ADGRL3: variants seen among roughly 807,000 people sequenced by gnomAD.
ADGRL3 encodes adhesion G protein-coupled receptor L3.
Under a neutral mutation model 153.5 loss-of-function variants are expected in ADGRL3, and 62 were observed. The ratio of observed to expected loss-of-function variants is 0.40; its 90% CI spans 0.33 to 0.50. The LOEUF is 0.50. ADGRL3 is among the 20% of genes least tolerant of loss of function. The pLI is 0.47. For synonymous variants in ADGRL3, 710 were observed against 672.5 expected, an observed-to-expected ratio of 1.06 and a Z score of -0.86; for missense variants, 1,641 against 1,859.4, an observed-to-expected ratio of 0.88 and a Z score of 2.16.
intron 2 of ADGRL3, among the ~76,000 whole-genome samples, chr4:61,414,098 G>A (rs963735680): frequency 6.6e-6 from 1 of 152,156 alleles, no homozygotes; most frequent in African/African-American, 2.4e-5. Flanking sequence ...TATCAACTCT[G>A]TAGGAAAATG....
At chr4:61,396,787 A>G (rs773706573) in intron 2 of ADGRL3, among the ~76,000 whole-genome samples, 1 of 151,858 alleles carries the variant, frequency 6.6e-6, no homozygotes, top group African/African-American at 2.4e-5. Flanking sequence ...TTATAATTCA[A>G]TGCTAATAAC....
chr4:62,029,470 A>C (rs1720788031), intron 22 of ADGRL3, among the ~76,000 whole-genome samples: 3 of 151,800 alleles, frequency 2.0e-5, no homozygotes, highest in Admixed American at 6.6e-5. Context: ...AGTGTCTGAA[A>C]TAAAGCTACA....
chr4:62,004,919 C>T (rs2099152566), intron 21 of ADGRL3, among the ~76,000 whole-genome samples: 2 of 151,880 alleles, frequency 1.3e-5, no homozygotes, highest in Admixed American at 6.6e-5. Flanking sequence ...TTTCTTTGAT[C>T]TGTGTTTAAA....
intron 5 of ADGRL3, among the ~76,000 whole-genome samples, chr4:61,665,153 G>A (rs2094743929): frequency 6.6e-6 from 1 of 152,220 alleles, no homozygotes; most frequent in African/African-American, 2.4e-5. Flanking sequence ...GCTCCCGCCT[G>A]TAATTCCAGC....
chr4:61,848,444 G>C (rs2098163436), intron 9 of ADGRL3, among the ~76,000 whole-genome samples: 2 of 151,656 alleles, frequency 1.3e-5, no homozygotes, highest in South Asian at 4.2e-4. Context: ...TCTTTCCTCT[G>C]TATGTCTGTC....
chr4:62,053,920 TTG>T (rs1292394874), intron 25 of ADGRL3, among the ~76,000 whole-genome samples: 72 of 151,734 alleles, frequency 4.7e-4, no homozygotes, highest in Non-Finnish European at 1.6e-4. Context: ...GTAAATTATT[TTG>T]TCTTTATTAA....
chr4:61,424,257 CCTG>C (rs1322033819), intron 2 of ADGRL3, among the ~76,000 whole-genome samples: 1 of 152,112 alleles, frequency 6.6e-6, no homozygotes, highest in South Asian at 2.1e-4. Flanking sequence ...GGATTGTGCA[CCTG>C]CGCTCTAATC....
intron 2 of ADGRL3, among the ~76,000 whole-genome samples, chr4:61,397,456 C>T (rs1477413628): frequency 6.6e-6 from 1 of 151,842 alleles, no homozygotes; most frequent in Admixed American, 6.6e-5. Context: ...AAGCACATGA[C>T]CTTCTGTGGT....
intron 25 of ADGRL3, among the ~76,000 whole-genome samples, chr4:62,054,838 A>G (rs539540537): frequency 1.8e-3 from 266 of 151,838 alleles, no homozygotes; most frequent in African/African-American, 6.2e-3. Flanking sequence ...CTCACAAAAA[A>G]GAAACCCTTA....
intron 1 of ADGRL3, among the ~76,000 whole-genome samples, chr4:61,344,252 G>A (rs2095857716): frequency 6.6e-6 from 1 of 152,132 alleles, no homozygotes; most frequent in Non-Finnish European, 1.5e-5. Flanking sequence ...TGAATGAAAA[G>A]TAGATACATT....
chr4:61,435,231 A>G (rs955130094), intron 2 of ADGRL3, among the ~76,000 whole-genome samples: 4 of 152,136 alleles, frequency 2.6e-5, no homozygotes, highest in Admixed American at 2.6e-4. Context: ...TTTATGCAAG[A>G]TATGGTCCCT....
chr4:61,685,300 T>A, intron 6 of ADGRL3, among the ~76,000 whole-genome samples: 1 of 152,114 alleles, frequency 6.6e-6, no homozygotes, highest in Admixed American at 6.6e-5. Context: ...TATCGCTGCC[T>A]ACTATGGTCC....
intron 1 of ADGRL3, among the ~76,000 whole-genome samples, chr4:61,286,334 G>A (rs1207728854): frequency 1.3e-5 from 2 of 149,608 alleles, no homozygotes; most frequent in Non-Finnish European, 3.0e-5. Flanking sequence ...TTTAGAGTAT[G>A]GAGTCACTTG....
rs2097097573 is a variant in ADGRL3, at chr4:61,412,346, C to T, written c.-174+29157C>T. Among the ~76,000 whole-genome samples, 5 of 152,106 alleles carry T rather than the reference C, an allele frequency of 3.3e-5. No individual in the cohort carries two copies. The South Asian group carries it at 1.0e-3, about 32-fold the overall frequency. The stretch of plus-strand genomic sequence containing the variant: ...CAAGCAATCCTATTGCCTTGGCCTC[C>T]CAAAGTGCTAGGATTATAGGTGTGG... On this transcript the variant is annotated intron_variant, in intron 2 of 26. Transcript: ENST00000683033.
chr4:61,994,154 T>G (rs1244802520), intron 19 of ADGRL3, among the ~76,000 whole-genome samples: 3 of 152,180 alleles, frequency 2.0e-5, no homozygotes, highest in African/African-American at 7.2e-5. Context: ...CGTTTTTGTT[T>G]TGTTTTTGTT....
At chr4:61,862,395 G>A (rs1476815166) in intron 9 of ADGRL3, among the ~76,000 whole-genome samples, 1 of 152,200 alleles carries the variant, frequency 6.6e-6, no homozygotes, top group Non-Finnish European at 1.5e-5. Flanking sequence ...GCATTGGAAC[G>A]ATGTTTCAGC....
At chr4:62,029,354 G>GA (rs1468411729) in intron 22 of ADGRL3, among the ~76,000 whole-genome samples, 2 of 151,416 alleles carry the variant, frequency 1.3e-5, no homozygotes, top group African/African-American at 2.4e-5. Context: ...TATAAATAAA[G>GA]AAAAAAATGC....
intron 6 of ADGRL3, among the ~76,000 whole-genome samples, chr4:61,699,805 TA>T (rs1199669485): frequency 6.6e-6 from 1 of 152,162 alleles, no homozygotes; most frequent in African/African-American, 2.4e-5. Flanking sequence ...ATTAAATTTT[TA>T]AATATAATAT....
intron 17 of ADGRL3, among the ~76,000 whole-genome samples, chr4:61,978,938 A>G (rs1046342265): frequency 2.0e-5 from 3 of 152,218 alleles, no homozygotes; most frequent in African/African-American, 7.2e-5. Flanking sequence ...ATGAATATAA[A>G]TCCAATGAAT....
Sources: allele counts gnomAD v4.1 joint callset (sites outside exome capture counted in the v4.1 genomes callset), GRCh38; gene constraint gnomAD v4.1.1; transcripts MANE v1.5; gene names NCBI Gene and HGNC (gene_info 2026-07-23, HGNC 2026-07-21).